Variants in TULP3 observed in about 807,000 individuals in gnomAD.
TULP3 encodes tubby-related protein 3.
TULP3 carries 38 observed loss-of-function variants against 50.7 expected under a neutral mutation model. That is an observed-to-expected ratio of 0.75 (90% CI 0.58 to 0.98). The LOEUF is 0.98. TULP3 is among the 50% of genes least tolerant of loss of function. The pLI is 0.00. For synonymous variants in TULP3, 183 were observed against 196.6 expected, an observed-to-expected ratio of 0.93 and a Z score of 0.58; for missense variants, 550 against 568.0, an observed-to-expected ratio of 0.97 and a Z score of 0.32.
In TULP3 at chr12:2,939,385, G is replaced by T; in HGVS notation, c.1270G>T (p.Ala424Ser). The change falls in exon 11 of 11, where the codon GCA (alanine) becomes TCA (serine). Residue 424 changes from alanine to serine, a missense_variant. Transcript: ENST00000448120. This position sits in a 1 kb window ranked among gnomAD's most constrained non-coding sequence, Gnocchi z 4.0. ...ACTGGATTACAACTACCCACTTTGT[G>T]CAGTACAGGCCTTTGGCATCGGTCT... ...FTLDYNYPLC[A>S]VQAFGIGLSS... is the part of the protein sequence containing the mutation. 6.2e-7 allele frequency: 1 copy of T among 1,614,222 alleles called. No individual in the cohort carries two copies. The highest frequency in any genetic ancestry group is 1.1e-5 in the South Asian group (1 of 91,092).
chr12:2,932,574 T>C (rs1464288709), intron 6 of TULP3, among the ~76,000 whole-genome samples: 43 of 117,042 alleles, frequency 3.7e-4, no homozygotes, highest in African/African-American at 1.4e-3. Context: ...AGTGAGACCC[T>C]ATCTCAAAAA....
At position 2,939,521 on chromosome 12, in the gene TULP3, C is replaced by T. The variant is rs1372557332; in HGVS notation, c.*77C>T. On this transcript the variant is annotated 3_prime_UTR_variant, in exon 11 of 11. Transcript: ENST00000448120. This position sits in a 1 kb window ranked among gnomAD's most constrained non-coding sequence, Gnocchi z 4.0. ...CAGTGGCCTCCCCTTCCCCTCCCTG[C>T]CCCAGGACTTAAAGAGCAATAGTTT... 1.3e-6 allele frequency: 2 copies of T among 1,579,766 alleles called. No homozygotes were observed. The highest frequency in any genetic ancestry group is 2.7e-5 in the African/African-American group (2 of 73,698).
At chr12:2,932,995 T>C (rs1354485069) in intron 6 of TULP3, among the ~76,000 whole-genome samples, 1 of 151,912 alleles carries the variant, frequency 6.6e-6, no homozygotes, top group Non-Finnish European at 1.5e-5. Flanking sequence ...CAGGCTGGAG[T>C]GCAATGGCAT....
chr12:2,908,405 A>G (rs1201939469), intron 1 of TULP3, among the ~76,000 whole-genome samples: 2 of 148,940 alleles, frequency 1.3e-5, no homozygotes, highest in African/African-American at 2.5e-5. Context: ...TGTCAAAAAT[A>G]GAAAAGGCTT....
At chr12:2,895,667 A>C (rs750603507) in intron 1 of TULP3, among the ~76,000 whole-genome samples, 2 of 120,762 alleles carry the variant, frequency 1.7e-5, no homozygotes, top group Non-Finnish European at 3.4e-5. Flanking sequence ...GAACATGATG[A>C]AATCTGATGC....
At chr12:2,922,642 A>G (rs2098192418) in intron 4 of TULP3, among the ~76,000 whole-genome samples, 1 of 152,174 alleles carries the variant, frequency 6.6e-6, no homozygotes, top group South Asian at 2.1e-4. Flanking sequence ...TAGCTGCCAT[A>G]GATGGCCATA....
At chr12:2,895,370 T>C (rs545778747) in intron 1 of TULP3, among the ~76,000 whole-genome samples, 1 of 152,328 alleles carries the variant, frequency 6.6e-6, no homozygotes, top group East Asian at 1.9e-4. Context: ...GTCTTTCAAG[T>C]AGAGGACAGC....
At chr12:2,908,577 C>T (rs1346986250) in intron 1 of TULP3, among the ~76,000 whole-genome samples, 2 of 149,158 alleles carry the variant, frequency 1.3e-5, no homozygotes, top group East Asian at 4.0e-4. Context: ...GGTGTGGCCA[C>T]CACACCTGGC....
chr12:2,923,753 C>T (rs2098193119), intron 4 of TULP3, among the ~76,000 whole-genome samples: 3 of 151,836 alleles, frequency 2.0e-5, no homozygotes, highest in Admixed American at 6.6e-5. Context: ...GGGCAGATCA[C>T]TTGAGTCCAA....
chr12:2,902,260 G>A (rs946194550), intron 1 of TULP3, among the ~76,000 whole-genome samples: 3 of 152,152 alleles, frequency 2.0e-5, no homozygotes, highest in Admixed American at 6.6e-5. Context: ...TAATTTCTAA[G>A]TCTAAAAAAC....
At chr12:2,917,966 G>A (rs1480719609) in intron 2 of TULP3, among the ~76,000 whole-genome samples, 3 of 151,964 alleles carry the variant, frequency 2.0e-5, no homozygotes, top group South Asian at 2.1e-4. Context: ...GCAGGTGCCT[G>A]TTATCCTAGC....
At chr12:2,893,344 T>TTTTTC (rs1555110457) in intron 1 of TULP3, among the ~76,000 whole-genome samples, 1 of 151,004 alleles carries the variant, frequency 6.6e-6, no homozygotes, top group East Asian at 1.9e-4. Context: ...TTTTTTTTTT[T>TTTTTC]CCAAACGGAG....
chr12:2,912,623 T>C (rs1266947667), intron 2 of TULP3, among the ~76,000 whole-genome samples: 1 of 152,150 alleles, frequency 6.6e-6, no homozygotes, highest in Non-Finnish European at 1.5e-5. Flanking sequence ...TTAATCAGTC[T>C]CCCGAGGATT....
In TULP3 at chr12:2,931,152, G is replaced by A; in HGVS notation, c.608G>A (p.Arg203Lys). The change falls in exon 6 of 11, where the codon AGA (arginine) becomes AAA (lysine). Residue 203 changes from arginine (R) to lysine (K), a missense_variant. Arg to Lys is a conservative substitution (Grantham distance 26, BLOSUM62 2). Transcript: ENST00000448120. ...YSPAPQGVTV[R>K]CRIIRDKRGM... ...CCTGCCCCTCAAGGTGTCACAGTAA[G>A]ATGTCGGATAATCCGGGATAAAAGG... 1.2e-6 allele frequency: 2 copies of A among 1,614,202 alleles called. No homozygotes were observed. Among genetic ancestry groups the A allele is most frequent in the Non-Finnish European group, 1.7e-6 (2 of 1,180,036 alleles).
intron 1 of TULP3, among the ~76,000 whole-genome samples, chr12:2,891,415 C>T (rs758413049): frequency 6.6e-6 from 1 of 152,168 alleles, no homozygotes; most frequent in Non-Finnish European, 1.5e-5. Context: ...GTTCTGACGC[C>T]GCTGCTTCGG....
rs151157367 is a variant in TULP3, at chr12:2,938,844, C to G, written c.1196-467C>G. Among the ~76,000 whole-genome samples the G allele has an allele frequency of 2.0e-5, 3 of 152,048 alleles. No individual in the cohort carries two copies. In the East Asian group the frequency reaches 5.8e-4, roughly 29 times the overall value. On this transcript the variant is annotated intron_variant, in intron 10 of 10. Coordinates refer to ENST00000448120, the MANE Select transcript of TULP3 (RefSeq NM_003324.5). Reference sequence around the variant, plus strand: ...TGTTTGGGAAACAAAGGCAAATGACCCCAATAAAGGTTCCTGGCAGCTCTA... The same window carrying G: ...TGTTTGGGAAACAAAGGCAAATGACGCCAATAAAGGTTCCTGGCAGCTCTA...
In TULP3 at chr12:2,940,070, G is replaced by T; in HGVS notation, c.*626G>T. The T allele has an allele frequency of 7.8e-7, 1 of 1,289,380 alleles. No individual in the cohort carries two copies. Among genetic ancestry groups the T allele is most frequent in the Non-Finnish European group, 1.0e-6 (1 of 988,876 alleles). 79.9% of individuals were successfully genotyped at this position (1,289,380 alleles called of 1,614,324 possible). On this transcript the variant is annotated 3_prime_UTR_variant, in exon 11 of 11. Transcript: ENST00000448120. ...GTCAAGAGTGGCTGTGATCACATTT[G>T]TGATCAATTATGTGAGAATTTTATA...
chr12:2,934,495 C>T lies in TULP3; in HGVS notation c.858C>T (p.Cys286=), dbSNP rs759864384. 45 of 1,605,202 alleles carry T rather than the reference C, an allele frequency of 2.8e-5. No homozygotes were observed. The highest frequency in any genetic ancestry group is 3.8e-5 in the Non-Finnish European group (45 of 1,176,240). The part of the protein sequence containing the change: ...TKFTVYDRGI[C]PMKGRGLVGA... Reference sequence around the variant, plus strand: ...TTACAGTTTATGACCGTGGCATCTGCCCCATGAAGGGCCGGGGTTTGGTAG... The same window carrying T: ...TTACAGTTTATGACCGTGGCATCTGTCCCATGAAGGGCCGGGGTTTGGTAG... Residue 286 remains cysteine (C), a synonymous_variant, in exon 8 of 11, where the codon TGC becomes TGT. Transcript: ENST00000448120.
chr12:2,899,430 C>T (rs774869391), intron 1 of TULP3, among the ~76,000 whole-genome samples: 2 of 151,598 alleles, frequency 1.3e-5, no homozygotes, highest in Non-Finnish European at 2.9e-5. Context: ...TTGGCCCACA[C>T]GCTATAGTTT....
Sources: allele counts gnomAD v4.1 joint callset (sites outside exome capture counted in the v4.1 genomes callset), GRCh38; gene constraint gnomAD v4.1.1; non-coding constraint Gnocchi (gnomAD v3.1); transcripts MANE v1.5; gene names NCBI Gene and HGNC (gene_info 2026-07-23, HGNC 2026-07-21).